CHLSN: variants seen among roughly 807,000 people sequenced by gnomAD.
CHLSN encodes cholesin.
chr7:1,049,014 T>G, the CHLSN span, among the ~76,000 whole-genome samples: 1 of 152,152 alleles, frequency 6.6e-6, no homozygotes, highest in South Asian at 2.1e-4. Flanking sequence ...GCCTCTGCAG[T>G]CTGAGCGTGC....
At chr7:1,057,147 G>A in the CHLSN span, among the ~76,000 whole-genome samples, 3 of 152,046 alleles carry the variant, frequency 2.0e-5, no homozygotes, top group Non-Finnish European at 4.4e-5. Flanking sequence ...GTAAACTTCG[G>A]GAATCACTGT....
the CHLSN span, among the ~76,000 whole-genome samples, chr7:1,072,918 A>C: frequency 6.6e-6 from 1 of 152,082 alleles, no homozygotes; most frequent in Non-Finnish European, 1.5e-5. Context: ...TCCTGGCCTC[A>C]AGTGAGCCAC....
the CHLSN span, among the ~76,000 whole-genome samples, chr7:1,046,053 G>T: frequency 6.6e-6 from 1 of 151,902 alleles, no homozygotes; most frequent in East Asian, 1.9e-4. Context: ...GTGGGTCTTA[G>T]GTTAGGATGT....
At chr7:1,000,598 C>T in the CHLSN span, 2 of 1,494,152 alleles carry the variant, frequency 1.3e-6, no homozygotes. Context: ...CAAAAGACTC[C>T]CGGGCAGCTG....
the CHLSN span, among the ~76,000 whole-genome samples, chr7:1,076,581 A>T: frequency 6.6e-6 from 1 of 152,266 alleles, no homozygotes; most frequent in South Asian, 2.1e-4. Flanking sequence ...ACAGGGCACA[A>T]GCACCGGGGA....
chr7:1,014,877 A>G, the CHLSN span, among the ~76,000 whole-genome samples: 3 of 152,210 alleles, frequency 2.0e-5, no homozygotes, highest in Non-Finnish European at 4.4e-5. Context: ...CCGAGCACCA[A>G]TTCTGTCTAC....
At chr7:1,000,598 C>A in the CHLSN span, 3 of 1,494,154 alleles carry the variant, frequency 2.0e-6, no homozygotes, top group Middle Eastern at 1.7e-4. Context: ...CAAAAGACTC[C>A]CGGGCAGCTG....
chr7:987,651 G>C, the CHLSN span: 1 of 1,019,898 alleles, frequency 9.8e-7, no homozygotes, highest in Non-Finnish European at 1.4e-6. Context: ...CTCCCCGACC[G>C]GAGGCAATAA....
the CHLSN span, among the ~76,000 whole-genome samples, chr7:1,106,944 G>A: frequency 6.6e-6 from 1 of 152,198 alleles, no homozygotes; most frequent in Non-Finnish European, 1.5e-5. Flanking sequence ...CGTGACCACG[G>A]CCAGGAGCCC....
At chr7:1,084,945 G>C in the CHLSN span, among the ~76,000 whole-genome samples, 1 of 152,236 alleles carries the variant, frequency 6.6e-6, no homozygotes, top group Non-Finnish European at 1.5e-5. Flanking sequence ...GGAGCAGGAA[G>C]GGGTTGCTCA....
At chr7:1,068,421 A>C in the CHLSN span, among the ~76,000 whole-genome samples, 1 of 152,196 alleles carries the variant, frequency 6.6e-6, no homozygotes, top group Admixed American at 6.5e-5. Context: ...CCGGGACATC[A>C]GTCTGAGAAA....
At chr7:1,042,144 C>T in the CHLSN span, among the ~76,000 whole-genome samples, 1 of 152,066 alleles carries the variant, frequency 6.6e-6, no homozygotes, top group African/African-American at 2.4e-5. Context: ...ACTAGGGCAC[C>T]CCCCACCCGC....
chr7:1,015,231 G>A, the CHLSN span, among the ~76,000 whole-genome samples: 2 of 152,130 alleles, frequency 1.3e-5, no homozygotes, highest in Admixed American at 1.3e-4. Flanking sequence ...AGAGAGGTGG[G>A]GTCGGGAAGA....
chr7:1,058,181 G>C, the CHLSN span: 1 of 741,162 alleles, frequency 1.3e-6, no homozygotes, highest in South Asian at 1.4e-5. Context: ...CCCTGGACCG[G>C]GACACGGGCC....
chr7:1,036,392 T>C, the CHLSN span, among the ~76,000 whole-genome samples: 3 of 150,324 alleles, frequency 2.0e-5, no homozygotes, highest in African/African-American at 7.4e-5. Flanking sequence ...CGGGTGCTCG[T>C]GCTGTGGCCG....
At chr7:1,101,932 A>T in the CHLSN span, among the ~76,000 whole-genome samples, 1 of 152,344 alleles carries the variant, frequency 6.6e-6, no homozygotes, top group Admixed American at 6.5e-5. Flanking sequence ...CTGGTTCAAG[A>T]GGCAGCGGCC....
the CHLSN span, among the ~76,000 whole-genome samples, chr7:1,038,976 T>C: frequency 1.6e-5 from 1 of 63,066 alleles, no homozygotes; most frequent in African/African-American, 6.4e-5. Context: ...GGAGCCCCTC[T>C]GCCCGGCCAG....
chr7:1,063,794 G>A, the CHLSN span, among the ~76,000 whole-genome samples: 1 of 152,218 alleles, frequency 6.6e-6, no homozygotes, highest in Non-Finnish European at 1.5e-5. Flanking sequence ...AGTGATGTAA[G>A]GTCCTTCCTG....
At chr7:992,429 G>GC in the CHLSN span, among the ~76,000 whole-genome samples, 1 of 152,258 alleles carries the variant, frequency 6.6e-6, no homozygotes, top group Non-Finnish European at 1.5e-5. Flanking sequence ...CCATCTGAGT[G>GC]CCGGGCTGGC....
Sources: gnomAD v4.1 joint callset for allele counts (sites outside exome capture counted in the v4.1 genomes callset) on GRCh38, gnomAD v4.1.1 for gene constraint, MANE v1.5 for transcripts, NCBI Gene and HGNC (gene_info 2026-07-23, HGNC 2026-07-21) for gene names.